The following NKAIN3 variants were observed in gnomAD, a reference collection of about 807,000 sequenced individuals.
NKAIN3 encodes sodium/potassium-transporting ATPase subunit beta-1-interacting protein 3.
A neutral mutation model predicts 30.2 loss-of-function variants in NKAIN3; 25 were observed. That is an observed-to-expected ratio of 0.83 (90% CI 0.60 to 1.16). The LOEUF (loss-of-function observed/expected upper bound fraction) is 1.16, where lower values mean the gene tolerates loss of function less well. Among genes scored for constraint, NKAIN3 ranks in the 50% most tolerant of loss-of-function variants. The pLI, the probability that NKAIN3 is intolerant of heterozygous loss-of-function variation, is 0.00. For missense variants in NKAIN3, 225 were observed against 254.1 expected, an observed-to-expected ratio of 0.89 and a Z score of 0.78; for synonymous variants, 91 against 89.6, an observed-to-expected ratio of 1.02 and a Z score of -0.09.
rs542174277 is a variant in NKAIN3 at position 62,400,291 on chromosome 8, G to A, written c.54+151164G>A. ...AGTGATTCTCCTGCCTCAGCCACCCGCCCCCCAGTAGCTGGGATTACAGGC... is the reference window on the plus strand; with the variant it reads ...AGTGATTCTCCTGCCTCAGCCACCCACCCCCCAGTAGCTGGGATTACAGGC... On this transcript the variant is annotated intron_variant, in intron 1 of 6. Transcript: ENST00000623646. Among the ~76,000 whole-genome samples the A allele has an allele frequency of 7.9e-4, 116 of 146,100 alleles. 1 individual carries two copies. The highest frequency in any genetic ancestry group is 3.7e-3 in the Middle Eastern group (1 of 268).
chr8:62,270,428 T>A (rs893953853), intron 1 of NKAIN3, among the ~76,000 whole-genome samples: 8 of 152,106 alleles, frequency 5.3e-5, no homozygotes, highest in African/African-American at 1.4e-4. Flanking sequence ...TGTGTTTTTT[T>A]AATTAAATTT....
chr8:62,995,135 T>C (rs1266089976), intron 5 of NKAIN3, among the ~76,000 whole-genome samples: 2 of 152,238 alleles, frequency 1.3e-5, no homozygotes, highest in African/African-American at 4.8e-5. Context: ...TAAAATTAAA[T>C]AGCTCTACAG....
At chr8:62,862,609 A>T (rs1430697534) in intron 4 of NKAIN3, among the ~76,000 whole-genome samples, 26 of 152,142 alleles carry the variant, frequency 1.7e-4, no homozygotes, top group Non-Finnish European at 4.4e-5. Flanking sequence ...TTTTAAAAAA[A>T]TTTAGTTCTA....
At position 62,796,678 on chromosome 8, in the gene NKAIN3, C is replaced by T. The variant is rs148527009; in HGVS notation, c.471+49549C>T. Among the ~76,000 whole-genome samples the T allele has an allele frequency of 2.9e-3, 447 of 152,172 alleles. 5 individuals are homozygous for T. In the South Asian group the frequency reaches 0.031, roughly 11 times the overall value. Reference sequence around the variant, plus strand: ...GACTCTAGTCTTAACCTATCTTGTACTGTGCAGAGGAACAAGTATGTACAG... The same window carrying T: ...GACTCTAGTCTTAACCTATCTTGTATTGTGCAGAGGAACAAGTATGTACAG... On this transcript the variant is annotated intron_variant, in intron 4 of 6. Coordinates refer to ENST00000623646, the MANE Select transcript of NKAIN3 (RefSeq NM_001304533.3).
chr8:62,548,570 G>A (rs1200960721), intron 1 of NKAIN3, among the ~76,000 whole-genome samples: 1 of 152,008 alleles, frequency 6.6e-6, no homozygotes, highest in East Asian at 1.9e-4. Context: ...ATGAATGTTA[G>A]TGGAAAAAAA....
At chr8:62,460,228 A>G (rs1343931396) in intron 1 of NKAIN3, among the ~76,000 whole-genome samples, 1 of 152,022 alleles carries the variant, frequency 6.6e-6, no homozygotes, top group South Asian at 2.1e-4. Flanking sequence ...CCTGGCTAAC[A>G]TGGCGAAACC....
intron 3 of NKAIN3, among the ~76,000 whole-genome samples, chr8:62,630,300 T>G (rs539909510): frequency 6.6e-6 from 1 of 152,190 alleles, no homozygotes; most frequent in Non-Finnish European, 1.5e-5. Context: ...GCCTGAACTA[T>G]AAAAACATAT....
chr8:62,983,522 C>G lies in NKAIN3; in HGVS notation c.*18115C>G, dbSNP rs552543504. 6.6e-6 allele frequency: 1 copy of G among 152,302 alleles called. No individual in the cohort carries two copies. The highest frequency in any genetic ancestry group is 1.9e-4 in the East Asian group (1 of 5,176). The allele number at this position is 152,302 out of a possible 1,614,324, so 9.4% of individuals were successfully genotyped here. On this transcript the variant is annotated 3_prime_UTR_variant, in exon 7 of 7. Transcript: ENST00000623646. The stretch of plus-strand genomic sequence containing the variant: ...GGGAGTGATAAAAACAAATCAAATT[C>G]ACATTTTAATTTAGGGAGTTTAGGA...
At chr8:62,453,387 G>C (rs182626944) in intron 1 of NKAIN3, among the ~76,000 whole-genome samples, 1 of 152,256 alleles carries the variant, frequency 6.6e-6, no homozygotes, top group Non-Finnish European at 1.5e-5. Context: ...AAGCAGTGTT[G>C]AGTGGGGAGT....
chr8:62,508,049 A>G (rs1807697252), intron 1 of NKAIN3, among the ~76,000 whole-genome samples: 1 of 152,166 alleles, frequency 6.6e-6, no homozygotes, highest in African/African-American at 2.4e-5. Context: ...TTTCTAAGGG[A>G]AGGTGATATG....
Position 62,983,828 on chromosome 8 carries a change from C to T in NKAIN3, c.*18421C>T, listed in dbSNP as rs1372137050. On this transcript the variant is annotated 3_prime_UTR_variant, in exon 7 of 7. Transcript: ENST00000623646. ...ATTAAAAAGAGCACGTCTACAGCTCCTAACAATCAAAAACAACTATGAACA... is the reference window on the plus strand; with the variant it reads ...ATTAAAAAGAGCACGTCTACAGCTCTTAACAATCAAAAACAACTATGAACA... 2 of 152,188 alleles carry T rather than the reference C, an allele frequency of 1.3e-5. No individual in the cohort carries two copies. Among genetic ancestry groups the T allele is most frequent in the Admixed American group, 1.3e-4 (2 of 15,280 alleles). 9.4% of individuals were successfully genotyped at this position (152,188 alleles called of 1,614,324 possible).
At chr8:62,851,040 C>T (rs1241579038) in intron 4 of NKAIN3, among the ~76,000 whole-genome samples, 1 of 151,908 alleles carries the variant, frequency 6.6e-6, no homozygotes, top group Non-Finnish European at 1.5e-5. Flanking sequence ...TCTAAATTAC[C>T]TTGGGCAGTA....
intron 1 of NKAIN3, among the ~76,000 whole-genome samples, chr8:62,406,192 T>A (rs1200142712): frequency 6.6e-6 from 1 of 152,232 alleles, no homozygotes; most frequent in Non-Finnish European, 1.5e-5. Flanking sequence ...AGGTATTCAA[T>A]AAATGCTTGT....
At chr8:62,434,208 A>G (rs1412011167) in intron 1 of NKAIN3, among the ~76,000 whole-genome samples, 1 of 152,196 alleles carries the variant, frequency 6.6e-6, no homozygotes, top group East Asian at 1.9e-4. Context: ...AAGACTGTCC[A>G]TGAAGTTGTC....
At chr8:62,287,953 T>G (rs527893649) in intron 1 of NKAIN3, among the ~76,000 whole-genome samples, 1 of 152,324 alleles carries the variant, frequency 6.6e-6, no homozygotes, top group Admixed American at 6.5e-5. Context: ...TAGCACTTCC[T>G]AGTTTCCACG....
At chr8:62,758,331 T>C (rs1327574973) in intron 4 of NKAIN3, among the ~76,000 whole-genome samples, 1 of 152,148 alleles carries the variant, frequency 6.6e-6, no homozygotes, top group Non-Finnish European at 1.5e-5. Flanking sequence ...ATAAGGTCTG[T>C]GGATTAGATA....
intron 3 of NKAIN3, among the ~76,000 whole-genome samples, chr8:62,724,214 T>C (rs566406884): frequency 6.6e-6 from 1 of 152,216 alleles, no homozygotes; most frequent in African/African-American, 2.4e-5. Flanking sequence ...ATCCTCCCTA[T>C]ACTTATTTAT....
intron 3 of NKAIN3, among the ~76,000 whole-genome samples, chr8:62,606,966 G>T (rs934733099): frequency 7.9e-5 from 12 of 152,090 alleles, no homozygotes; most frequent in African/African-American, 2.7e-4. Context: ...TATTAATTTT[G>T]GTTCAGTATA....
At chr8:62,260,656 C>G (rs867812558) in intron 1 of NKAIN3, among the ~76,000 whole-genome samples, 1 of 152,130 alleles carries the variant, frequency 6.6e-6, no homozygotes, top group African/African-American at 2.4e-5. Context: ...ACGGCCGATG[C>G]AGGCAGTCAT....
Sources: allele counts gnomAD v4.1 joint callset (sites outside exome capture counted in the v4.1 genomes callset), GRCh38; gene constraint gnomAD v4.1.1; transcripts MANE v1.5; gene names NCBI Gene and HGNC (gene_info 2026-07-23, HGNC 2026-07-21).